The following PTPRD variants were observed in gnomAD, a reference collection of about 807,000 sequenced individuals.
PTPRD encodes the protein protein tyrosine phosphatase receptor type D.
PTPRD carries 34 observed loss-of-function variants against 214.5 expected under a neutral mutation model. The ratio of observed to expected loss-of-function variants is 0.16; its 90% confidence interval spans 0.12 to 0.21. PTPRD has a LOEUF of 0.21. Ranked by LOEUF, PTPRD falls within the 10% of genes least tolerant of loss-of-function variation. PTPRD has a pLI of 1.00. For synonymous variants in PTPRD, 1,128 were observed against 845.7 expected (o/e 1.33, Z -5.79); for missense variants, 2,545 against 2,398.7 (o/e 1.06, Z -1.27).
chr9:9,965,781 T>A (rs961331902), intron 4 of PTPRD, among the ~76,000 whole-genome samples: 5 of 152,178 alleles, frequency 3.3e-5, no homozygotes, highest in Non-Finnish European at 5.9e-5. Flanking sequence ...GTAACAGTAC[T>A]TATGCTACAT....
At chr9:9,920,364 C>T (rs2082219438) in intron 5 of PTPRD, among the ~76,000 whole-genome samples, 1 of 152,094 alleles carries the variant, frequency 6.6e-6, no homozygotes, top group African/African-American at 2.4e-5. Context: ...TCCTCTACTT[C>T]AATATCCCTG....
intron 10 of PTPRD, among the ~76,000 whole-genome samples, chr9:9,052,435 C>A (rs571410594): frequency 6.6e-6 from 1 of 152,310 alleles, no homozygotes; most frequent in South Asian, 2.1e-4. Context: ...AGAACCCATT[C>A]CTTTGTGTCC....
intron 2 of PTPRD, among the ~76,000 whole-genome samples, chr9:10,548,089 T>G (rs1046978896): frequency 1.3e-5 from 2 of 152,042 alleles, no homozygotes; most frequent in South Asian, 4.1e-4. Flanking sequence ...TCTGAGACAG[T>G]GAACCTCCGC....
chr9:10,338,532 T>G (rs1247605423), intron 3 of PTPRD, among the ~76,000 whole-genome samples: 1 of 151,768 alleles, frequency 6.6e-6, no homozygotes, highest in Non-Finnish European at 1.5e-5. Context: ...TGGCCTATTT[T>G]GACTTTTATC....
At chr9:9,681,728 G>C (rs1202572869) in intron 7 of PTPRD, among the ~76,000 whole-genome samples, 1 of 151,722 alleles carries the variant, frequency 6.6e-6, no homozygotes, top group Non-Finnish European at 1.5e-5. Context: ...TTTAATAACA[G>C]AAAATTGAAT....
chr9:10,428,259 C>T (rs2098643237), intron 2 of PTPRD, among the ~76,000 whole-genome samples: 3 of 152,030 alleles, frequency 2.0e-5, no homozygotes, highest in African/African-American at 7.2e-5. Context: ...ACAGATGTTG[C>T]AGCGAGCTGA....
chr9:9,211,517 A>G (rs7043921), intron 9 of PTPRD, among the ~76,000 whole-genome samples: 2,248 of 14,936 alleles, frequency 0.15, 35 homozygotes, highest in Non-Finnish European at 0.18. Flanking sequence ...GTGCGCACGC[A>G]CACACACACA....
intron 2 of PTPRD, among the ~76,000 whole-genome samples, chr9:10,477,142 T>TA (rs2099068071): frequency 1.3e-5 from 2 of 152,162 alleles, no homozygotes; most frequent in East Asian, 3.9e-4. Flanking sequence ...GGAATCTAGT[T>TA]AAACTAAAGA....
At chr9:10,212,638 A>T (rs1016875449) in intron 3 of PTPRD, among the ~76,000 whole-genome samples, 4 of 152,270 alleles carry the variant, frequency 2.6e-5, no homozygotes, top group African/African-American at 9.6e-5. Flanking sequence ...AGTATTTGTC[A>T]TCCCTAATCA....
At chr9:10,547,390 G>A (rs1041747254) in intron 2 of PTPRD, among the ~76,000 whole-genome samples, 1 of 151,560 alleles carries the variant, frequency 6.6e-6, no homozygotes, top group Non-Finnish European at 1.5e-5. Context: ...ACCAAAACTT[G>A]ACCTCCAGTA....
intron 39 of PTPRD, among the ~76,000 whole-genome samples, chr9:8,360,302 C>G (rs1419550935): frequency 6.6e-6 from 1 of 152,108 alleles, no homozygotes; most frequent in Non-Finnish European, 1.5e-5. Flanking sequence ...ACTTTAGAAA[C>G]AAACTACTGT....
At chr9:9,512,340 A>G (rs1200192592) in intron 8 of PTPRD, among the ~76,000 whole-genome samples, 2 of 151,848 alleles carry the variant, frequency 1.3e-5, no homozygotes, top group African/African-American at 4.8e-5. Context: ...AGGGGGTAAA[A>G]GGTTATTTTT....
rs563682920 is a variant in PTPRD, at chr9:10,246,416, G to A, written c.-545+94547C>T. 2.6e-5 allele frequency among the ~76,000 whole-genome samples: 4 copies of A among 152,182 alleles called. No homozygotes were observed. The East Asian group carries it at 7.8e-4, about 30-fold the overall frequency. ...CCACCATCATGCCCAGATAATTTTT[G>A]TATTTGTAGTAGAGATGGGTTTTCA... is the stretch of plus-strand genomic sequence containing the variant. On this transcript the variant is annotated intron_variant, in intron 3 of 45. Coordinates refer to ENST00000381196, the MANE Select transcript of PTPRD (RefSeq NM_002839.4).
At chr9:9,342,476 C>A (rs901101443) in intron 9 of PTPRD, among the ~76,000 whole-genome samples, 2 of 152,092 alleles carry the variant, frequency 1.3e-5, no homozygotes, top group African/African-American at 2.4e-5. Context: ...GAGATTAATA[C>A]ATATTTGGCT....
intron 11 of PTPRD, among the ~76,000 whole-genome samples, chr9:8,936,621 G>A (rs891152926): frequency 1.3e-5 from 2 of 151,986 alleles, no homozygotes; most frequent in Non-Finnish European, 2.9e-5. Context: ...ACTATTTACA[G>A]GGAATAGAAA....
chr9:9,945,955 A>G (rs2092481933), intron 4 of PTPRD, among the ~76,000 whole-genome samples: 1 of 151,980 alleles, frequency 6.6e-6, no homozygotes, highest in Non-Finnish European at 1.5e-5. Context: ...AAAATTTAAA[A>G]TGATACAAAT....
At chr9:9,004,925 C>T (rs751908790) in intron 11 of PTPRD, among the ~76,000 whole-genome samples, 62 of 152,074 alleles carry the variant, frequency 4.1e-4, no homozygotes, top group Non-Finnish European at 6.5e-4. Context: ...GACCAGGGCA[C>T]GGGGAAGCCA....
chr9:9,538,476 T>C (rs973973542), intron 8 of PTPRD, among the ~76,000 whole-genome samples: 86 of 152,074 alleles, frequency 5.7e-4, no homozygotes, highest in African/African-American at 2.1e-3. Flanking sequence ...GGATTGGCTC[T>C]ACATCAAATC....
At chr9:8,745,686 C>T (rs546458675) in intron 11 of PTPRD, among the ~76,000 whole-genome samples, 1 of 152,154 alleles carries the variant, frequency 6.6e-6, no homozygotes, top group Admixed American at 6.5e-5. Flanking sequence ...TCTAAATTCT[C>T]ACGTTTGTAA....
Sources: allele counts gnomAD v4.1 joint callset (sites outside exome capture counted in the v4.1 genomes callset), GRCh38; gene constraint gnomAD v4.1.1; transcripts MANE v1.5; gene names NCBI Gene and HGNC (gene_info 2026-07-23, HGNC 2026-07-21).